Variants in IL1RAPL1 observed in about 807,000 individuals in gnomAD.
IL1RAPL1 encodes interleukin 1 receptor accessory protein like 1.
A neutral mutation model predicts 48.4 loss-of-function variants in IL1RAPL1; 3 were observed. That is an observed-to-expected ratio of 0.06 (90% CI 0.03 to 0.16). The LOEUF (loss-of-function observed/expected upper bound fraction) is 0.16, where lower values mean the gene tolerates loss of function less well. IL1RAPL1 is among the 10% of genes least tolerant of loss of function. IL1RAPL1 has a pLI of 1.00. For synonymous variants in IL1RAPL1, 185 were observed against 187.7 expected, an observed-to-expected ratio of 0.99 and a Z score of 0.12; for missense variants, 349 against 530.6, an observed-to-expected ratio of 0.66 and a Z score of 3.36.
chrX:29,358,435 A>C (rs1050037102), intron 3 of IL1RAPL1, among the ~76,000 whole-genome samples: 2 of 110,324 alleles, frequency 1.8e-5, no homozygotes, highest in African/African-American at 6.6e-5. Flanking sequence ...AGAGTAACAA[A>C]TTCACATAAA....
chrX:29,817,683 G>T (rs192974499), intron 6 of IL1RAPL1, among the ~76,000 whole-genome samples: 1 of 111,931 alleles, frequency 8.9e-6, no homozygotes, highest in African/African-American at 3.2e-5. Flanking sequence ...CTGGCTGCAA[G>T]TTATAGAAAC....
intron 2 of IL1RAPL1, among the ~76,000 whole-genome samples, chrX:29,161,912 G>A (rs1929692661): frequency 8.9e-6 from 1 of 112,249 alleles, no homozygotes; most frequent in African/African-American, 3.2e-5. Context: ...GCACATGTAT[G>A]TGTATTGCAG....
chrX:29,465,540 G>A (rs956459283), intron 5 of IL1RAPL1, among the ~76,000 whole-genome samples: 1 of 111,691 alleles, frequency 9.0e-6, no homozygotes, highest in Non-Finnish European at 1.9e-5. Context: ...CCCAAATTTG[G>A]CTATACATTG....
At chrX:29,921,065 ACT>A (rs1250445681) in intron 8 of IL1RAPL1, among the ~76,000 whole-genome samples, 1 of 111,655 alleles carries the variant, frequency 9.0e-6, no homozygotes, top group Non-Finnish European at 1.9e-5. Context: ...TGTTGTGCTA[ACT>A]CTGCCTCTAC....
chrX:28,619,003 A>G (rs1410144131), intron 1 of IL1RAPL1, among the ~76,000 whole-genome samples: 2 of 112,139 alleles, frequency 1.8e-5, no homozygotes, highest in Non-Finnish European at 3.8e-5. Context: ...GAGAAGGGCC[A>G]GTGCCAGTGG....
At chrX:28,830,375 T>C (rs1412405302) in intron 2 of IL1RAPL1, among the ~76,000 whole-genome samples, 4 of 112,029 alleles carry the variant, frequency 3.6e-5, no homozygotes, top group Non-Finnish European at 7.5e-5. Flanking sequence ...GTTGAATTAA[T>C]CTATTTTCAT....
At position 29,836,717 on chromosome X, in the gene IL1RAPL1, AT is replaced by A. The variant is rs1010516780; in HGVS notation, c.779-80738del. On this transcript the variant is annotated intron_variant, in intron 6 of 10. Coordinates refer to ENST00000378993, the MANE Select transcript of IL1RAPL1 (RefSeq NM_014271.4). ...AATGATTTTGTCAGCACATTGATAG[AT>A]TTTTTTTTCTAGCTTTCTATGTGCT... 2.4e-3 allele frequency among the ~76,000 whole-genome samples: 262 copies of A among 109,962 alleles called. 1 individual carries two copies. Among genetic ancestry groups the A allele is most frequent in the Non-Finnish European group, 4.0e-3 (210 of 52,621 alleles).
chrX:28,891,614 C>CT (rs1263322656), intron 2 of IL1RAPL1, among the ~76,000 whole-genome samples: 1 of 112,052 alleles, frequency 8.9e-6, no homozygotes, highest in African/African-American at 3.2e-5. Flanking sequence ...GTACTTCTTC[C>CT]TTTTTTTGCA....
chrX:29,538,448 C>T (rs1440236278), intron 5 of IL1RAPL1, among the ~76,000 whole-genome samples: 1 of 105,544 alleles, frequency 9.5e-6, no homozygotes, highest in East Asian at 2.9e-4. Context: ...AGCAATTCTC[C>T]TGCCTCAGCC....
chrX:28,943,144 C>T lies in IL1RAPL1; in HGVS notation c.82+153719C>T, dbSNP rs188296506. 2.0e-4 allele frequency among the ~76,000 whole-genome samples: 21 copies of T among 103,839 alleles called. No homozygotes were observed. The East Asian group carries it at 3.3e-3, about 16-fold the overall frequency. 90.2% of individuals were successfully genotyped at this position (103,839 alleles called of 115,157 possible). On this transcript the variant is annotated intron_variant, in intron 2 of 10. Coordinates refer to ENST00000378993, the MANE Select transcript of IL1RAPL1 (RefSeq NM_014271.4). ...CCTATTTATCTCTTTATTCCAGATA[C>T]GTTATGTGATATATAATGGGCAATG...
chrX:29,419,738 TTC>T (rs1934268617), intron 5 of IL1RAPL1, among the ~76,000 whole-genome samples: 1 of 112,810 alleles, frequency 8.9e-6, no homozygotes, highest in South Asian at 3.6e-4. Flanking sequence ...AATCTTCCAC[TTC>T]AGTGCAGCTG....
intron 2 of IL1RAPL1, among the ~76,000 whole-genome samples, chrX:29,030,392 CTATT>C (rs1926590284): frequency 9.0e-6 from 1 of 111,309 alleles, no homozygotes; most frequent in Admixed American, 9.6e-5. Flanking sequence ...GTATGTATTT[CTATT>C]TATTTGGTTC....
At chrX:29,077,869 C>T (rs1031369947) in intron 2 of IL1RAPL1, among the ~76,000 whole-genome samples, 4 of 111,496 alleles carry the variant, frequency 3.6e-5, no homozygotes, top group Non-Finnish European at 7.5e-5. Flanking sequence ...GGTCATAAAT[C>T]TGGGAGTCCC....
At chrX:28,892,112 G>A (rs1445450212) in intron 2 of IL1RAPL1, among the ~76,000 whole-genome samples, 1 of 110,712 alleles carries the variant, frequency 9.0e-6, no homozygotes, top group Non-Finnish European at 1.9e-5. Context: ...TATTCTAGAT[G>A]CAAGTTTTCA....
At chrX:29,813,614 G>A (rs1011972541) in intron 6 of IL1RAPL1, among the ~76,000 whole-genome samples, 7 of 109,857 alleles carry the variant, frequency 6.4e-5, no homozygotes, top group Non-Finnish European at 1.1e-4. Flanking sequence ...TTTAGATTTG[G>A]GGGTACATGT....
intron 5 of IL1RAPL1, among the ~76,000 whole-genome samples, chrX:29,585,105 A>G (rs772952045): frequency 3.0e-4 from 34 of 112,186 alleles, no homozygotes; most frequent in Non-Finnish European, 6.2e-4. Context: ...TGAATGTACA[A>G]TACAGTATTG....
intron 1 of IL1RAPL1, among the ~76,000 whole-genome samples, chrX:28,696,169 G>T (rs1037596012): frequency 4.6e-5 from 5 of 109,656 alleles, no homozygotes; most frequent in Admixed American, 9.8e-5. Flanking sequence ...GCTTCCTATT[G>T]GGCTTCTCCC....
intron 2 of IL1RAPL1, among the ~76,000 whole-genome samples, chrX:28,806,726 T>C (rs1936736352): frequency 8.9e-6 from 1 of 111,821 alleles, no homozygotes; most frequent in Non-Finnish European, 1.9e-5. Context: ...TACTGTTTGT[T>C]TCAAAGGCAT....
chrX:29,647,447 TAAC>T (rs1286383111), intron 5 of IL1RAPL1, among the ~76,000 whole-genome samples: 35 of 103,784 alleles, frequency 3.4e-4, no homozygotes, highest in African/African-American at 1.2e-3. Context: ...CTAAAAATAA[TAAC>T]TACACTAACT....
Sources: allele counts gnomAD v4.1 joint callset (sites outside exome capture counted in the v4.1 genomes callset), GRCh38; gene constraint gnomAD v4.1.1; transcripts MANE v1.5; gene names NCBI Gene and HGNC (gene_info 2026-07-23, HGNC 2026-07-21).